The following ZFAT variants were observed in gnomAD, a reference collection of about 807,000 sequenced individuals.
ZFAT encodes the protein zinc finger protein ZFAT.
A neutral mutation model predicts 117.7 loss-of-function variants in ZFAT; 64 were observed. The ratio of observed to expected loss-of-function variants is 0.54; its 90% CI spans 0.44 to 0.67. The LOEUF (loss-of-function observed/expected upper bound fraction) is 0.67, where lower values mean the gene tolerates loss of function less well. ZFAT is among the 30% of genes least tolerant of loss of function. ZFAT has a pLI of 0.00. For missense variants in ZFAT, 1,433 were observed against 1,584.5 expected (o/e 0.90, Z 1.62); for synonymous variants, 679 against 615.0 (o/e 1.10, Z -1.54).
chr8:134,790,752 T>C, the ZFAT span, among the ~76,000 whole-genome samples: 1 of 152,204 alleles, frequency 6.6e-6, no homozygotes, highest in Non-Finnish European at 1.5e-5. Flanking sequence ...TGGTGGCTCA[T>C]GACTGTAATC....
chr8:134,774,890 G>T, the ZFAT span, among the ~76,000 whole-genome samples: 13,571 of 151,708 alleles, frequency 0.089, 1,240 homozygotes, highest in African/African-American at 0.23. Context: ...GCCAAGGCGG[G>T]TGGATCATTT....
chr8:134,577,435 T>C (rs1825388329), intron 10 of ZFAT, among the ~76,000 whole-genome samples: 1 of 152,204 alleles, frequency 6.6e-6, no homozygotes, highest in South Asian at 2.1e-4. Flanking sequence ...CCCAAGAAGA[T>C]TCATTTAATG....
At chr8:134,809,161 T>C in the ZFAT span, among the ~76,000 whole-genome samples, 2 of 152,206 alleles carry the variant, frequency 1.3e-5, no homozygotes, top group African/African-American at 4.8e-5. Flanking sequence ...GCACACAGCC[T>C]GATCTAGGCC....
the ZFAT span, among the ~76,000 whole-genome samples, chr8:134,817,394 T>TACACAC: frequency 0.04 from 5,031 of 125,960 alleles, 118 homozygotes; most frequent in East Asian, 0.065. Context: ...TCTCTCTCTC[T>TACACAC]ACACACACAC....
chr8:134,695,179 G>A (rs1360524850), intron 1 of ZFAT, among the ~76,000 whole-genome samples: 2 of 152,116 alleles, frequency 1.3e-5, no homozygotes, highest in Non-Finnish European at 2.9e-5. Context: ...CCAGGGCAAG[G>A]GGGTTGCGTC....
At chr8:134,641,655 A>G (rs1370753325) in intron 2 of ZFAT, among the ~76,000 whole-genome samples, 1 of 152,214 alleles carries the variant, frequency 6.6e-6, no homozygotes, top group Non-Finnish European at 1.5e-5. Flanking sequence ...TGGGTCCCAC[A>G]GGGTCTCGAA....
chr8:134,676,103 T>A (rs1235854860), intron 1 of ZFAT, among the ~76,000 whole-genome samples: 1 of 151,890 alleles, frequency 6.6e-6, no homozygotes, highest in Non-Finnish European at 1.5e-5. Context: ...AATATCAACC[T>A]TAAATATAAA....
intron 15 of ZFAT, among the ~76,000 whole-genome samples, chr8:134,484,104 C>A (rs529652945): frequency 5.4e-4 from 82 of 152,300 alleles, no homozygotes; most frequent in Non-Finnish European, 7.4e-4. Flanking sequence ...GCTCAGGACA[C>A]CCTCCTTAAG....
At chr8:134,558,530 A>G (rs973535854) in intron 11 of ZFAT, among the ~76,000 whole-genome samples, 1 of 152,252 alleles carries the variant, frequency 6.6e-6, no homozygotes, top group African/African-American at 2.4e-5. Flanking sequence ...ACAAGAAAAA[A>G]GTAAAACAAC....
intron 5 of ZFAT, among the ~76,000 whole-genome samples, chr8:134,605,475 G>T (rs1299384430): frequency 6.6e-6 from 1 of 151,828 alleles, no homozygotes; most frequent in Non-Finnish European, 1.5e-5. Context: ...GAACCCAGGG[G>T]GTGGAGCTTG....
chr8:134,779,523 G>A, the ZFAT span, among the ~76,000 whole-genome samples: 2 of 152,082 alleles, frequency 1.3e-5, no homozygotes, highest in South Asian at 2.1e-4. Context: ...TTAAAAACAC[G>A]ACAACTGGGC....
chr8:134,728,476 T>A, the ZFAT span, among the ~76,000 whole-genome samples: 1 of 152,144 alleles, frequency 6.6e-6, no homozygotes, highest in Non-Finnish European at 1.5e-5. Context: ...AGCAGTAGGG[T>A]TTAGCTAATC....
At chr8:134,681,255 T>C (rs1451776412) in intron 1 of ZFAT, among the ~76,000 whole-genome samples, 1 of 152,084 alleles carries the variant, frequency 6.6e-6, no homozygotes, top group Admixed American at 6.5e-5. Flanking sequence ...GTGGGGAGGT[T>C]TGGGGTCTGA....
the ZFAT span, among the ~76,000 whole-genome samples, chr8:134,753,197 T>A: frequency 6.0e-5 from 9 of 151,232 alleles, no homozygotes; most frequent in African/African-American, 2.2e-4. Flanking sequence ...TGAGTCCCTG[T>A]CTCTAAAAAA....
At chr8:134,551,768 C>A (rs933440067) in intron 11 of ZFAT, among the ~76,000 whole-genome samples, 1 of 152,220 alleles carries the variant, frequency 6.6e-6, no homozygotes, top group Non-Finnish European at 1.5e-5. Flanking sequence ...CTTTGTTCAA[C>A]TGAGTACCCA....
At chr8:134,542,494 CTTT>C (rs537747331) in intron 11 of ZFAT, among the ~76,000 whole-genome samples, 174 of 152,320 alleles carry the variant, frequency 1.1e-3, no homozygotes, top group African/African-American at 3.7e-3. Flanking sequence ...CTGTTCCCTT[CTTT>C]GTGTCCATGT....
chr8:134,543,455 T>C (rs1054229362), intron 11 of ZFAT, among the ~76,000 whole-genome samples: 5 of 152,274 alleles, frequency 3.3e-5, no homozygotes, highest in Admixed American at 1.3e-4. Flanking sequence ...CCTTTTTGAC[T>C]GAGAACACTC....
intron 11 of ZFAT, chr8:134,564,878 C>G (rs906232697): frequency 2.0e-6 from 2 of 999,612 alleles, no homozygotes; most frequent in Non-Finnish European, 1.3e-6. Flanking sequence ...ATCTCCTGAG[C>G]CCCTGCAACA....
At chr8:134,655,413 C>T in intron 2 of ZFAT, among the ~76,000 whole-genome samples, 1 of 152,130 alleles carries the variant, frequency 6.6e-6, no homozygotes, top group African/African-American at 2.4e-5. Context: ...TCTGGGAGGC[C>T]TAGGTGGGTG....
Sources: gnomAD v4.1 joint callset for allele counts (sites outside exome capture counted in the v4.1 genomes callset) on GRCh38, gnomAD v4.1.1 for gene constraint, MANE v1.5 for transcripts, NCBI Gene and HGNC (gene_info 2026-07-23, HGNC 2026-07-21) for gene names.